HTT-AS: variants seen among roughly 807,000 people sequenced by gnomAD.
HTT-AS encodes the protein HTT antisense RNA, also known as HTT antisense RNA (head to head).
chr4:3,051,080 G>GT (rs1553907313), intron 2 of HTT-AS, among the ~76,000 whole-genome samples: 2 of 143,506 alleles, frequency 1.4e-5, no homozygotes, highest in African/African-American at 2.6e-5. Context: ...GTGTGTGTGT[G>GT]TTTTAGATGG....
intron 1 of HTT-AS, among the ~76,000 whole-genome samples, chr4:3,071,011 T>G (rs1712162428): frequency 6.6e-6 from 1 of 152,200 alleles, no homozygotes; most frequent in South Asian, 2.1e-4. Context: ...GACAGTCCAT[T>G]TCTGTAAGTC....
chr4:3,057,475 G>C (rs1711829854), intron 2 of HTT-AS, among the ~76,000 whole-genome samples: 1 of 152,186 alleles, frequency 6.6e-6, no homozygotes. Flanking sequence ...CTGACCCCAA[G>C]AGAGGGTTCT....
chr4:3,047,734 C>T (rs1408863638), downstream of HTT-AS, among the ~76,000 whole-genome samples: 1 of 152,246 alleles, frequency 6.6e-6, no homozygotes, highest in East Asian at 1.9e-4. Flanking sequence ...CAGGCCCGCC[C>T]ACAGCCATCC....
chr4:3,065,647 T>G (rs1001068547), intron 1 of HTT-AS, among the ~76,000 whole-genome samples: 1 of 152,170 alleles, frequency 6.6e-6, no homozygotes, highest in African/African-American at 2.4e-5. Context: ...CCAAACATCA[T>G]AGCTGAGCCC....
chr4:3,064,284 C>T (rs545319534), intron 1 of HTT-AS, among the ~76,000 whole-genome samples: 16 of 151,920 alleles, frequency 1.1e-4, no homozygotes, highest in East Asian at 9.7e-4. Flanking sequence ...TTAGCAGAGA[C>T]GGGGTTTCAC....
At chr4:3,051,559 C>G (rs769053559) in intron 2 of HTT-AS, among the ~76,000 whole-genome samples, 5 of 151,700 alleles carry the variant, frequency 3.3e-5, no homozygotes, top group Non-Finnish European at 7.4e-5. Context: ...GAAAGGGAAT[C>G]CAGAAGCCTG....
intron 2 of HTT-AS, among the ~76,000 whole-genome samples, chr4:3,060,302 GA>G (rs1711900774): frequency 6.6e-6 from 1 of 151,972 alleles, no homozygotes; most frequent in Non-Finnish European, 1.5e-5. Context: ...CCTGAATCAT[GA>G]GTCTACTACA....
intron 1 of HTT-AS, among the ~76,000 whole-genome samples, chr4:3,069,675 A>G (rs1303931415): frequency 6.6e-6 from 1 of 152,054 alleles, no homozygotes; most frequent in African/African-American, 2.4e-5. Context: ...AACCTAAGGA[A>G]ACAGGACAGA....
chr4:3,057,976 G>T (rs1043832239), intron 2 of HTT-AS, among the ~76,000 whole-genome samples: 7 of 151,742 alleles, frequency 4.6e-5, no homozygotes, highest in African/African-American at 1.7e-4. Context: ...TGAGTTTTCC[G>T]TGAAAGGGGT....
At chr4:3,051,988 G>C (rs997079793) in intron 2 of HTT-AS, among the ~76,000 whole-genome samples, 2 of 152,106 alleles carry the variant, frequency 1.3e-5, no homozygotes, top group African/African-American at 4.8e-5. Flanking sequence ...CTTCCAAGTG[G>C]AACAGGAATT....
At chr4:3,050,299 T>A (rs1276222997) in intron 2 of HTT-AS, among the ~76,000 whole-genome samples, 1 of 152,248 alleles carries the variant, frequency 6.6e-6, no homozygotes, top group African/African-American at 2.4e-5. Context: ...TCAAATTGTA[T>A]ATCTGAACTA....
chr4:3,068,336 GT>G (rs1336536039), intron 1 of HTT-AS, among the ~76,000 whole-genome samples: 8 of 146,294 alleles, frequency 5.5e-5, no homozygotes, highest in African/African-American at 1.5e-4. Flanking sequence ...AAAAAAAAGG[GT>G]GACGAAGCTT....
chr4:3,056,087 A>G (rs1006727772), intron 2 of HTT-AS, among the ~76,000 whole-genome samples: 6 of 152,230 alleles, frequency 3.9e-5, no homozygotes, highest in Admixed American at 1.3e-4. Context: ...TGAGAAATCA[A>G]TGGACACAAG....
chr4:3,057,156 C>T (rs533413330), intron 2 of HTT-AS, among the ~76,000 whole-genome samples: 1 of 152,228 alleles, frequency 6.6e-6, no homozygotes, highest in African/African-American at 2.4e-5. Context: ...GTCTCAGCCT[C>T]CCGAGTAGCT....
intron 1 of HTT-AS, among the ~76,000 whole-genome samples, chr4:3,064,336 C>T (rs528400803): frequency 3.9e-5 from 6 of 152,042 alleles, no homozygotes; most frequent in South Asian, 2.1e-4. Context: ...CCTTGTGATC[C>T]GCCTGCCTCA....
intron 2 of HTT-AS, among the ~76,000 whole-genome samples, chr4:3,056,648 C>T (rs549541992): frequency 3.9e-5 from 6 of 152,302 alleles, no homozygotes; most frequent in South Asian, 2.1e-4. Flanking sequence ...TCACCAAAAA[C>T]GTATTATAAT....
intron 2 of HTT-AS, among the ~76,000 whole-genome samples, chr4:3,057,284 C>T (rs548122631): frequency 9.9e-5 from 15 of 152,242 alleles, no homozygotes; most frequent in South Asian, 4.2e-4. Context: ...CTGCCCGCCT[C>T]GGCCTCCCAA....
downstream of HTT-AS, among the ~76,000 whole-genome samples, chr4:3,047,706 G>A (rs1332251925): frequency 2.0e-5 from 3 of 152,202 alleles, no homozygotes; most frequent in African/African-American, 7.2e-5. Flanking sequence ...CATCTCTTGT[G>A]GAAGGCCTGA....
chr4:3,052,900 G>T (rs1560528753), intron 2 of HTT-AS, among the ~76,000 whole-genome samples: 1 of 152,158 alleles, frequency 6.6e-6, no homozygotes, highest in African/African-American at 2.4e-5. Context: ...GGAGGCTGAG[G>T]CAGAAGAATC....
Sources: gnomAD v4.1 joint callset for allele counts (sites outside exome capture counted in the v4.1 genomes callset) on GRCh38, gnomAD v4.1.1 for gene constraint, MANE v1.5 for transcripts, NCBI Gene and HGNC (gene_info 2026-07-23, HGNC 2026-07-21) for gene names.